The following SYNE2 variants were observed in gnomAD, a reference collection of about 807,000 sequenced individuals.
SYNE2 encodes the protein nesprin-2.
Under a neutral mutation model 856.3 loss-of-function variants are expected in SYNE2, and 431 were observed. The observed-to-expected ratio is 0.50, with a 90% CI of 0.47 to 0.55. SYNE2 has a LOEUF of 0.55. Ranked by LOEUF, SYNE2 falls within the 20% of genes least tolerant of loss-of-function variation. SYNE2 has a pLI of 0.00. For synonymous variants in SYNE2, 2,923 were observed against 2,872.3 expected (o/e 1.02, Z -0.56); for missense variants, 8,129 against 8,023.2 (o/e 1.01, Z -0.50).
intron 1 of SYNE2, among the ~76,000 whole-genome samples, chr14:63,814,281 A>AAAAC (rs574858343): frequency 3.3e-5 from 5 of 151,232 alleles, no homozygotes; most frequent in Admixed American, 6.6e-5. Context: ...AAAAAAAACA[A>AAAAC]AAACAAACAA....
chr14:64,020,155 T>G, intron 35 of SYNE2, 62 bp downstream of exon 35: 1 of 1,161,234 alleles, frequency 8.6e-7, no homozygotes. Flanking sequence ...ATCATATCAC[T>G]GCACTCCAGC....
At chr14:63,905,228 G>T (rs999365565) in intron 1 of SYNE2, among the ~76,000 whole-genome samples, 1 of 152,154 alleles carries the variant, frequency 6.6e-6, no homozygotes. Context: ...AGTATATTTT[G>T]AAATTGGGTA....
At chr14:64,003,470 G>A (rs1257855457) in intron 30 of SYNE2, 140 bp downstream of exon 30, 15 of 1,217,010 alleles carry the variant, frequency 1.2e-5, no homozygotes, top group Non-Finnish European at 1.4e-5. Flanking sequence ...ATTCTTTTCT[G>A]TAGACTTTTC....
chr14:64,130,882 T>TC (rs1292554505), intron 76 of SYNE2, among the ~76,000 whole-genome samples: 3 of 122,058 alleles, frequency 2.5e-5, no homozygotes, highest in Admixed American at 8.8e-5. Flanking sequence ...AGACTCTATC[T>TC]CAAAAAAAAA....
intron 8 of SYNE2, among the ~76,000 whole-genome samples, chr14:63,955,537 TA>T (rs1410060220): frequency 6.6e-6 from 1 of 152,134 alleles, no homozygotes; most frequent in Non-Finnish European, 1.5e-5. Context: ...CCAAAGCTAT[TA>T]AAAAAACATT....
Position 63,993,912 on chromosome 14 carries a change from T to C in SYNE2, c.2724T>C (p.Thr908=). 6.2e-6 allele frequency: 10 copies of C among 1,613,316 alleles called. No individual in the cohort carries two copies. Among genetic ancestry groups the C allele is most frequent in the Non-Finnish European group, 8.5e-6 (10 of 1,179,400 alleles). The change falls in exon 22 of 116, where the codon ACT becomes ACC. Residue 908 remains threonine, a synonymous_variant. Transcript: ENST00000555002. ...TTGAAGAACTAAAAAATAATGTAAC[T>C]GAGGACATAAAGATGTCTTTAGAAG... ...KAVEELKNNV[T]EDIKMSLEEK... is the part of the protein sequence containing the mutation.
At chr14:63,933,769 C>T (rs1321221334) in intron 2 of SYNE2, among the ~76,000 whole-genome samples, 7 of 152,202 alleles carry the variant, frequency 4.6e-5, no homozygotes, top group Non-Finnish European at 7.3e-5. Flanking sequence ...CTATCCCTAA[C>T]ATCTGCTGAT....
At position 63,978,937 on chromosome 14, in the gene SYNE2, G is replaced by A. The variant is rs1199246437; in HGVS notation, c.1492G>A (p.Val498Met). 4.3e-6 allele frequency: 7 copies of A among 1,613,556 alleles called. No individual in the cohort carries two copies. The highest frequency in any genetic ancestry group is 4.5e-5 in the East Asian group (2 of 44,818). ...CTTAGTTCTTGGTTTGGTAGATGAA[G>A]TGAAATCAAAATTGGATATTTGGAA... ...KCLVLGLVDE[V>M]KSKLDIWNIK... The change falls in exon 14 of 116, where the codon GTG (valine) becomes ATG (methionine). Residue 498 changes from valine (V) to methionine (M), a missense_variant. Physicochemically the swap from Val to Met is conservative, Grantham distance 21. Around this residue, in one of 3 missense-constraint regions of SYNE2, gnomAD observed 2,422 missense variants for 2,357.4 expected, o/e 1.03. Transcript: ENST00000555002.
intron 1 of SYNE2, among the ~76,000 whole-genome samples, chr14:63,866,967 G>T (rs1555352937): frequency 6.6e-6 from 1 of 152,048 alleles, no homozygotes; most frequent in Non-Finnish European, 1.5e-5. Context: ...AACAAAAAAA[G>T]AAAAAATTGT....
At chr14:64,120,389 T>C (rs1191028722) in intron 67 of SYNE2, among the ~76,000 whole-genome samples, 1 of 152,256 alleles carries the variant, frequency 6.6e-6, no homozygotes, top group African/African-American at 2.4e-5. Flanking sequence ...TAGTAATTCA[T>C]TGGATGAATT....
chr14:64,017,094 C>T (rs932957992), intron 33 of SYNE2, among the ~76,000 whole-genome samples: 2 of 152,054 alleles, frequency 1.3e-5, no homozygotes, highest in African/African-American at 4.8e-5. Flanking sequence ...CTTTGGGAGG[C>T]TGAGACGGGT....
intron 1 of SYNE2, among the ~76,000 whole-genome samples, chr14:63,853,710 G>A (rs1291345104): frequency 1.3e-5 from 2 of 151,638 alleles, no homozygotes; most frequent in Non-Finnish European, 2.9e-5. Flanking sequence ...CACCGGGGCT[G>A]GAGAGGGCGC....
Position 64,224,483 on chromosome 14 carries a change from G to C in SYNE2, c.20405G>C (p.Ser6802Thr). 1 of 1,613,986 alleles carries C rather than the reference G, an allele frequency of 6.2e-7. No homozygotes were observed. Among genetic ancestry groups the C allele is most frequent in the Non-Finnish European group, 8.5e-7 (1 of 1,179,994 alleles). ...CAGAACCCAGCCTCACCCCTGCCCAGCTTCGACGAGGTAGACTCGGGGGAC... is the reference window on the plus strand; with the variant it reads ...CAGAACCCAGCCTCACCCCTGCCCACCTTCGACGAGGTAGACTCGGGGGAC... ...GTQNPASPLP[S>T]FDEVDSGDQP... The change falls in exon 114 of 116, where the codon AGC (serine) becomes ACC (threonine). Residue 6802 changes from serine (S) to threonine (T), a missense_variant. This residue lies in a region of SYNE2 where 5,410 missense variants were observed against 5,284.8 expected (regional missense o/e 1.02). Transcript: ENST00000555002.
chr14:63,924,055 C>T (rs1212317897), intron 2 of SYNE2, among the ~76,000 whole-genome samples: 5 of 152,096 alleles, frequency 3.3e-5, no homozygotes, highest in Non-Finnish European at 7.4e-5. Flanking sequence ...AATCCACTCA[C>T]CTCAGCCTCC....
intron 1 of SYNE2, among the ~76,000 whole-genome samples, chr14:63,878,075 T>C (rs2094768916): frequency 6.6e-6 from 1 of 151,984 alleles, no homozygotes; most frequent in Non-Finnish European, 1.5e-5. Context: ...TTGGTAGAGA[T>C]GAGGTCTTAC....
intron 113 of SYNE2, among the ~76,000 whole-genome samples, chr14:64,224,002 GAA>G (rs916398614): frequency 2.6e-5 from 4 of 151,748 alleles, no homozygotes; most frequent in Admixed American, 1.3e-4. Context: ...CTTTTTGTCC[GAA>G]AAAGTCTGTT....
intron 1 of SYNE2, among the ~76,000 whole-genome samples, chr14:63,841,616 A>C (rs1196545761): frequency 6.6e-6 from 1 of 152,172 alleles, no homozygotes; most frequent in East Asian, 1.9e-4. Flanking sequence ...CTCAGCAACA[A>C]CTTGAGAATG....
At position 64,128,552 on chromosome 14, in the gene SYNE2, A is replaced by C; in HGVS notation, c.14018A>C (p.Gln4673Pro). Residue 4673 changes from glutamine to proline, a missense_variant and splice_region_variant, in exon 74 of 116, where the codon CAG becomes CCG. By Grantham distance (76) the Gln-to-Pro change is moderately conservative. Transcript: ENST00000555002. ...GGGCAGAGTGTTGCTGAACAGCTTC[A>C]GGTAATCAAGTCAAAATAATTCAGA... is the stretch of plus-strand genomic sequence containing the variant. ...ISGQSVAEQL[Q>P]KADAYTVELE... is the part of the protein sequence containing the mutation. 1 of 1,584,684 alleles carries C rather than the reference A, an allele frequency of 6.3e-7. No homozygotes were observed. Among genetic ancestry groups the C allele is most frequent in the East Asian group, 2.2e-5 (1 of 44,750 alleles).
intron 94 of SYNE2, among the ~76,000 whole-genome samples, chr14:64,170,920 G>A (rs1004878909): frequency 1.3e-5 from 2 of 152,068 alleles, no homozygotes; most frequent in Admixed American, 1.3e-4. Flanking sequence ...GACTATAGTC[G>A]ATAATAATTT....
Sources: gnomAD v4.1 joint callset for allele counts (sites outside exome capture counted in the v4.1 genomes callset) on GRCh38, gnomAD v4.1.1 for gene constraint, gnomAD v4.1.1 regional missense constraint, MANE v1.5 for transcripts, NCBI Gene and HGNC (gene_info 2026-07-23, HGNC 2026-07-21) for gene names.